CSMD2: variants seen among roughly 807,000 people sequenced by gnomAD.
The protein encoded by CSMD2 is CUB and Sushi multiple domains 2, also known as CUB and sushi domain-containing protein 2.
Under a neutral mutation model 398.5 loss-of-function variants are expected in CSMD2, and 130 were observed. That is an observed-to-expected ratio of 0.33 (90% CI 0.28 to 0.38). CSMD2 has a LOEUF of 0.38. CSMD2 is among the 10% of genes least tolerant of loss of function. The probability of loss-of-function intolerance (pLI) is 1.00; values close to 1 mark genes in which losing one functional copy is unlikely to be tolerated. For synonymous variants in CSMD2, 1,828 were observed against 1,908.5 expected (o/e 0.96, Z 1.10); for missense variants, 3,829 against 4,764.9 (o/e 0.80, Z 5.78).
chr1:33,940,451 T>C (rs1244094695), intron 3 of CSMD2, among the ~76,000 whole-genome samples: 1 of 151,952 alleles, frequency 6.6e-6, no homozygotes, highest in Non-Finnish European at 1.5e-5. Context: ...GAGTGCCTAG[T>C]ACGTTTCAGG....
At chr1:34,022,914 C>T (rs556618564) in intron 3 of CSMD2, among the ~76,000 whole-genome samples, 288 of 152,276 alleles carry the variant, frequency 1.9e-3, no homozygotes, top group African/African-American at 6.7e-3. Context: ...TCACTCCAGC[C>T]TCAACCCCCT....
chr1:33,577,578 T>TC, intron 48 of CSMD2, 94 bp from the exon 49 acceptor site: 2 of 1,093,548 alleles, frequency 1.8e-6, no homozygotes, highest in South Asian at 3.8e-5. Context: ...CTCCCCCCCA[T>TC]CCCCTTGTCT....
Position 33,537,008 on chromosome 1 carries a change from G to C in CSMD2, c.9879+14C>G. On this transcript the variant is annotated intron_variant, in intron 62 of 70. Transcript: ENST00000373381. The surrounding 1 kb of genome is among the most constrained non-coding windows in gnomAD (Gnocchi z 4.6). The stretch of plus-strand genomic sequence containing the variant: ...TAGGATGTAGGAAGACCCTATCTTG[G>C]CTGACCTCCTTACCTGGTAGCCCTG... 1.2e-6 allele frequency: 2 copies of C among 1,613,446 alleles called. No individual in the cohort carries two copies. The highest frequency in any genetic ancestry group is 1.7e-6 in the Non-Finnish European group (2 of 1,179,430).
chr1:33,722,531 A>T (rs1646390439), intron 19 of CSMD2, among the ~76,000 whole-genome samples: 1 of 152,158 alleles, frequency 6.6e-6, no homozygotes. Flanking sequence ...AATGAGGTCC[A>T]TGATTTTCCA....
At chr1:34,001,348 T>C (rs61116476) in intron 3 of CSMD2, among the ~76,000 whole-genome samples, 22,774 of 152,156 alleles carry the variant, frequency 0.15, 2,936 homozygotes, top group East Asian at 0.4. Flanking sequence ...ATTTTATATA[T>C]AGCAATCACC....
chr1:33,998,398 C>T (rs1313887940), intron 3 of CSMD2, among the ~76,000 whole-genome samples: 1 of 152,180 alleles, frequency 6.6e-6, no homozygotes, highest in Non-Finnish European at 1.5e-5. Context: ...CTGTTATAAA[C>T]AACAGAAAAC....
intron 22 of CSMD2, among the ~76,000 whole-genome samples, chr1:33,704,084 A>T (rs1645696917): frequency 6.6e-6 from 1 of 152,144 alleles, no homozygotes; most frequent in Admixed American, 6.5e-5. Flanking sequence ...CTCAGTTAAG[A>T]TCATGCACAT....
intron 2 of CSMD2, among the ~76,000 whole-genome samples, chr1:34,078,799 A>G (rs1331087513): frequency 6.6e-6 from 1 of 152,150 alleles, no homozygotes; most frequent in Non-Finnish European, 1.5e-5. Flanking sequence ...CCCCAAGAAC[A>G]CATTTCACTG....
intron 22 of CSMD2, among the ~76,000 whole-genome samples, chr1:33,702,627 T>G (rs973041523): frequency 2.0e-5 from 3 of 152,206 alleles, no homozygotes; most frequent in African/African-American, 7.2e-5. Flanking sequence ...TAGGGCAAAC[T>G]GCTCTTTCAC....
intron 3 of CSMD2, among the ~76,000 whole-genome samples, chr1:33,940,776 A>G (rs1478141819): frequency 6.6e-6 from 1 of 152,218 alleles, no homozygotes; most frequent in African/African-American, 2.4e-5. Context: ...AGGCACTGCA[A>G]TAAGATGAAG....
chr1:34,130,644 G>A (rs1199037476), intron 1 of CSMD2, among the ~76,000 whole-genome samples: 1 of 152,076 alleles, frequency 6.6e-6, no homozygotes, highest in Admixed American at 6.6e-5. Flanking sequence ...GGGGAAGCAG[G>A]TGGACCAGCC....
intron 15 of CSMD2, 120 bp downstream of exon 15, chr1:33,739,020 G>A (rs745526843): frequency 1.4e-4 from 126 of 928,822 alleles, no homozygotes; most frequent in Middle Eastern, 3.3e-4. Context: ...GTGGCCCTTC[G>A]TTCTGGGAGA....
chr1:33,899,288 A>G (rs1386871439), intron 5 of CSMD2, among the ~76,000 whole-genome samples: 2 of 152,232 alleles, frequency 1.3e-5, no homozygotes, highest in African/African-American at 4.8e-5. Flanking sequence ...CCAAGGCCCA[A>G]AAGCAGCCCC....
intron 10 of CSMD2, among the ~76,000 whole-genome samples, chr1:33,799,992 T>C (rs1465875329): frequency 2.0e-5 from 3 of 152,314 alleles, no homozygotes; most frequent in East Asian, 3.9e-4. Flanking sequence ...GAGTTCAGCA[T>C]CTTGGCTTGG....
intron 10 of CSMD2, among the ~76,000 whole-genome samples, chr1:33,801,920 A>G (rs1655655371): frequency 1.3e-5 from 2 of 152,190 alleles, no homozygotes; most frequent in South Asian, 4.1e-4. Flanking sequence ...TGCTGGAAGA[A>G]GGAATTGCAT....
rs143799252 is a variant in CSMD2 at position 33,546,549 on chromosome 1, C to T, written c.8918-330G>A. ...CTCCCCTTCCCCTCTTCTCTACAAA[C>T]ACCTGCTGATTCTGTAGTCCCATCT... On this transcript the variant is annotated intron_variant, in intron 56 of 70. Coordinates refer to ENST00000373381, the MANE Select transcript of CSMD2 (RefSeq NM_001281956.2). Among the ~76,000 whole-genome samples the T allele has an allele frequency of 5.4e-3, 818 of 152,248 alleles. 9 individuals are homozygous for T. Among genetic ancestry groups the T allele is most frequent in the African/African-American group, 0.018 (768 of 41,542 alleles).
At position 33,726,698 on chromosome 1, in the gene CSMD2, A is replaced by G. The variant is rs1357877049; in HGVS notation, c.2369-13T>C. 1.9e-6 allele frequency: 3 copies of G among 1,603,006 alleles called. No homozygotes were observed. The African/African-American group carries it at 4.0e-5, about 21-fold the overall frequency. On this transcript the variant is annotated splice_polypyrimidine_tract_variant and intron_variant, in intron 15 of 70. Transcript: ENST00000373381. ...CCACCACAGGGAGCTGGGGGGACAG[A>G]AGGAAGAGAGGCAGCTTTCTTCAGG...
Position 33,893,879 on chromosome 1 carries a change from C to G in CSMD2, c.920+24215G>C, listed in dbSNP as rs11805558. On this transcript the variant is annotated intron_variant, in intron 5 of 70. Transcript: ENST00000373381. Reference sequence around the variant, plus strand: ...ATTGCCAAGCTAGCAGGCAGCCATGCCTTTTTCCAGGATGCTGGGGTGGCT... The same window carrying G: ...ATTGCCAAGCTAGCAGGCAGCCATGGCTTTTTCCAGGATGCTGGGGTGGCT... Among the ~76,000 whole-genome samples the G allele has an allele frequency of 4.5e-3, 685 of 152,284 alleles. 5 individuals carry two copies. Among genetic ancestry groups the G allele is most frequent in the African/African-American group, 0.015 (643 of 41,550 alleles).
At chr1:33,915,359 G>A (rs560757951) in intron 5 of CSMD2, among the ~76,000 whole-genome samples, 24 of 152,232 alleles carry the variant, frequency 1.6e-4, no homozygotes, top group Non-Finnish European at 2.2e-4. Flanking sequence ...CCACACATAC[G>A]TCCTGAGTCT....
Sources: allele counts gnomAD v4.1 joint callset (sites outside exome capture counted in the v4.1 genomes callset), GRCh38; gene constraint gnomAD v4.1.1; non-coding constraint Gnocchi (gnomAD v3.1); transcripts MANE v1.5; gene names NCBI Gene and HGNC (gene_info 2026-07-23, HGNC 2026-07-21).